The following EBPL variants were observed in gnomAD, a reference collection of about 807,000 sequenced individuals.
The protein encoded by EBPL is emopamil-binding protein-like.
EBPL carries 20 observed loss-of-function variants against 19.0 expected under a neutral mutation model. The observed-to-expected ratio is 1.05, with a 90% CI of 0.74 to 1.53. The LOEUF (loss-of-function observed/expected upper bound fraction) is 1.53, where lower values mean the gene tolerates loss of function less well. EBPL is among the 40% of genes most tolerant of loss of function. The pLI is 0.00. For missense variants in EBPL, 219 were observed against 261.1 expected (o/e 0.84, Z 1.11); for synonymous variants, 107 against 117.0 (o/e 0.91, Z 0.55).
chr13:49,667,299 A>G (rs920544222), intron 2 of EBPL, among the ~76,000 whole-genome samples: 10 of 152,226 alleles, frequency 6.6e-5, no homozygotes, highest in Non-Finnish European at 1.2e-4. Flanking sequence ...TGATTCTGTG[A>G]CTGATAACTG....
chr13:49,687,031 C>T (rs1412784080), intron 1 of EBPL, among the ~76,000 whole-genome samples: 1 of 152,166 alleles, frequency 6.6e-6, no homozygotes, highest in Non-Finnish European at 1.5e-5. Context: ...GGTCTCGCAA[C>T]TCCTAGCCTC....
intron 1 of EBPL, among the ~76,000 whole-genome samples, chr13:49,688,244 C>T (rs1306401499): frequency 6.6e-6 from 1 of 152,150 alleles, no homozygotes; most frequent in Non-Finnish European, 1.5e-5. Context: ...AGTCAGCCTG[C>T]CCTCTGCTGT....
rs746922050 is a variant in EBPL at position 49,661,193 on chromosome 13, G to T, written c.396C>A (p.Ile132=). The change falls in exon 4 of 4, where the codon ATC becomes ATA. Residue 132 remains isoleucine (I), a synonymous_variant. Transcript: ENST00000242827. ...KEKYYRHFLQ[I]TLCVCELYGC... ...CATACAGCTCGCACACGCACAGGGT[G>T]ATCTGCAGGAAATGCCTGTTGGAGA... is the stretch of plus-strand genomic sequence containing the variant. 9 of 1,611,836 alleles carry T rather than the reference G, an allele frequency of 5.6e-6. No individual in the cohort carries two copies. The East Asian group carries it at 2.0e-4, about 36-fold the overall frequency.
intron 1 of EBPL, 25 bp from the exon 2 acceptor site, chr13:49,669,871 G>A: frequency 4.4e-5 from 70 of 1,576,438 alleles, no homozygotes; most frequent in Non-Finnish European, 5.5e-5. Context: ...ATGAAGACAT[G>A]CTCTAATACA....
At position 49,660,776 on chromosome 13, in the gene EBPL, C is replaced by G; in HGVS notation, c.*192G>C. Reference sequence around the variant, plus strand: ...CAAATTCAAATTTGTTCTCTTTTCCCTATATCACCATTTAATTGAACAACA... The same window carrying G: ...CAAATTCAAATTTGTTCTCTTTTCCGTATATCACCATTTAATTGAACAACA... On this transcript the variant is annotated 3_prime_UTR_variant, in exon 4 of 4. Transcript: ENST00000242827. 1 of 508,904 alleles carries G rather than the reference C, an allele frequency of 2.0e-6. No homozygotes were observed. Among genetic ancestry groups the G allele is most frequent in the Non-Finnish European group, 3.5e-6 (1 of 289,018 alleles). 31.5% of individuals were successfully genotyped at this position (508,904 alleles called of 1,614,324 possible).
intron 1 of EBPL, among the ~76,000 whole-genome samples, chr13:49,675,188 G>A (rs1472794383): frequency 1.3e-5 from 2 of 152,210 alleles, no homozygotes; most frequent in African/African-American, 4.8e-5. Context: ...TACCTCACAC[G>A]TAGGCTATAT....
intron 1 of EBPL, among the ~76,000 whole-genome samples, chr13:49,674,436 T>C (rs1239621438): frequency 6.6e-6 from 1 of 152,174 alleles, no homozygotes; most frequent in Non-Finnish European, 1.5e-5. Flanking sequence ...ACCAAAATGT[T>C]AGCATCGTGG....
intron 1 of EBPL, among the ~76,000 whole-genome samples, chr13:49,684,157 G>C (rs553277202): frequency 6.6e-6 from 1 of 152,166 alleles, no homozygotes; most frequent in Non-Finnish European, 1.5e-5. Flanking sequence ...TACTAGAAGC[G>C]TGATGGAAAC....
chr13:49,669,678 A>G (rs1953789160), intron 2 of EBPL, 99 bp downstream of exon 2: 2 of 1,041,818 alleles, frequency 1.9e-6, no homozygotes, highest in Non-Finnish European at 2.9e-6. Context: ...GACATTTCAT[A>G]TAAATGAAGT....
chr13:49,674,804 G>A (rs994160265), intron 1 of EBPL, among the ~76,000 whole-genome samples: 1 of 152,168 alleles, frequency 6.6e-6, no homozygotes, highest in Non-Finnish European at 1.5e-5. Context: ...CCAGAGGATG[G>A]TGTGAGGCCC....
At position 49,668,344 on chromosome 13, in the gene EBPL, T is replaced by C. The variant is rs112026688; in HGVS notation, c.241+1433A>G. 3.0e-3 allele frequency: 651 copies of C among 217,672 alleles called. 5 individuals are homozygous for C. The highest frequency in any genetic ancestry group is 0.014 in the African/African-American group (599 of 42,032). The allele number at this position is 217,672 out of a possible 1,614,324, so 13.5% of individuals were successfully genotyped here. A position where few individuals can be genotyped will look rare whatever the true frequency, so the allele number is the denominator to read the frequency against. On this transcript the variant is annotated intron_variant, in intron 2 of 3. Coordinates refer to ENST00000242827, the MANE Select transcript of EBPL (RefSeq NM_032565.5). ...ACCCCAGCACTTTGGGAGGCCGAGGTGGGCAGATCACGAGGTCAGGAGATC... is the reference window on the plus strand; with the variant it reads ...ACCCCAGCACTTTGGGAGGCCGAGGCGGGCAGATCACGAGGTCAGGAGATC...
intron 1 of EBPL, among the ~76,000 whole-genome samples, chr13:49,673,017 C>A (rs1953835018): frequency 6.6e-6 from 1 of 152,070 alleles, no homozygotes; most frequent in Non-Finnish European, 1.5e-5. Flanking sequence ...CGTGATTGTG[C>A]CACTGCACTC....
At chr13:49,669,134 C>T (rs1953782950) in intron 2 of EBPL, among the ~76,000 whole-genome samples, 1 of 152,194 alleles carries the variant, frequency 6.6e-6, no homozygotes, top group South Asian at 2.1e-4. Flanking sequence ...CTGCCTCAGC[C>T]TCCCAAAGTG....
chr13:49,682,319 C>A (rs1184314650), intron 1 of EBPL, among the ~76,000 whole-genome samples: 3 of 152,198 alleles, frequency 2.0e-5, no homozygotes, highest in Non-Finnish European at 4.4e-5. Flanking sequence ...ATATACCCTT[C>A]TCTGCCAGAA....
chr13:49,667,205 A>T (rs1390030646), intron 2 of EBPL, among the ~76,000 whole-genome samples: 1 of 152,188 alleles, frequency 6.6e-6, no homozygotes, highest in African/African-American at 2.4e-5. Context: ...GCTAAACTTT[A>T]ACCATCTCTT....
At chr13:49,662,990 G>T in intron 3 of EBPL, 67 bp downstream of exon 3, 1 of 1,590,120 alleles carries the variant, frequency 6.3e-7, no homozygotes, top group Non-Finnish European at 8.6e-7. Flanking sequence ...CTACTCCAAA[G>T]GTCACCTAAG....
At chr13:49,664,750 CAT>C (rs1004718409) in intron 2 of EBPL, among the ~76,000 whole-genome samples, 1 of 152,076 alleles carries the variant, frequency 6.6e-6, no homozygotes, top group African/African-American at 2.4e-5. Context: ...GCTCTTGTCT[CAT>C]AAAGACCAGA....
chr13:49,661,972 G>C (rs779544942), intron 3 of EBPL: 91 of 1,466,968 alleles, frequency 6.2e-5, no homozygotes, highest in Admixed American at 9.8e-5. Flanking sequence ...TATAGTCTCT[G>C]AGTCTGATAG....
At chr13:49,671,063 A>G (rs1953810753) in intron 1 of EBPL, among the ~76,000 whole-genome samples, 1 of 152,240 alleles carries the variant, frequency 6.6e-6, no homozygotes. Context: ...GTAATGGGCC[A>G]CAATTTCTTT....
Sources: gnomAD v4.1 joint callset for allele counts (sites outside exome capture counted in the v4.1 genomes callset) on GRCh38, gnomAD v4.1.1 for gene constraint, MANE v1.5 for transcripts, NCBI Gene and HGNC (gene_info 2026-07-23, HGNC 2026-07-21) for gene names.